CRAMP1: variants seen among roughly 807,000 people sequenced by gnomAD.
The protein encoded by CRAMP1 is cramped chromatin regulator 1.
Under a neutral mutation model 115.4 loss-of-function variants are expected in CRAMP1, and 50 were observed. The observed-to-expected ratio is 0.43, with a 90% CI of 0.35 to 0.55. The LOEUF is 0.55. Ranked by LOEUF, CRAMP1 falls within the 20% of genes least tolerant of loss-of-function variation. The pLI is 0.01. For missense variants in CRAMP1, 1,679 were observed against 1,721.7 expected (o/e 0.98, Z 0.44); for synonymous variants, 866 against 745.4 (o/e 1.16, Z -2.64).
chr16:1,639,215 G>T (rs1026610280), intron 5 of CRAMP1, among the ~76,000 whole-genome samples: 4 of 152,130 alleles, frequency 2.6e-5, no homozygotes, highest in African/African-American at 9.7e-5. Flanking sequence ...CTGAGAGGTG[G>T]AGGGTGTCCA....
chr16:1,655,820 G>C (rs563894959), intron 9 of CRAMP1, 57 bp from the exon 10 acceptor site: 1 of 1,555,586 alleles, frequency 6.4e-7, no homozygotes, highest in Non-Finnish European at 8.7e-7. Context: ...CCATGTGCCT[G>C]GTCAGCATCC....
At position 1,669,015 on chromosome 16, in the gene CRAMP1, C is replaced by CT; in HGVS notation, c.3352dup (p.Ser1118PhefsTer9). On this transcript the variant is annotated frameshift_variant, in exon 19 of 21. Coordinates refer to ENST00000397412, the MANE Select transcript of CRAMP1 (RefSeq NM_020825.4). LOFTEE classifies it high-confidence loss of function. This position sits in a 1 kb window ranked among gnomAD's most constrained non-coding sequence, Gnocchi z 4.6. ...TTGGTTGGCAGGTGAAGGAGTCCCT[C>CT]TTTCTCCAGCAAAACTGAATGGCAG... 6.2e-7 allele frequency: 1 copy of CT among 1,613,198 alleles called. No homozygotes were observed. The highest frequency in any genetic ancestry group is 8.5e-7 in the Non-Finnish European group (1 of 1,179,548).
chr16:1,654,233 T>C (rs1470934121), intron 8 of CRAMP1, among the ~76,000 whole-genome samples: 1 of 150,310 alleles, frequency 6.7e-6, no homozygotes, highest in Non-Finnish European at 1.5e-5. Context: ...TTTTCCGAGA[T>C]GGAGTCTTGC....
Position 1,656,145 on chromosome 16 carries a change from G to A in CRAMP1, c.1388G>A (p.Cys463Tyr). The part of the protein sequence containing the change: ...GQGTARGQVK[C>Y]PRSGAEGKGV... ...GGCACGGCCCGGGGCCAGGTGAAAT[G>A]CCCGCGGAGCGGAGCTGAGGGCAAG... Residue 463 changes from cysteine to tyrosine, a missense_variant, in exon 10 of 21, where the codon TGC (cysteine) becomes TAC (tyrosine). Cys to Tyr is a radical substitution (Grantham distance 194). Around this residue, in one of 8 missense-constraint regions of CRAMP1, gnomAD observed 191 missense variants for 236.2 expected, o/e 0.81. Coordinates refer to ENST00000397412, the MANE Select transcript of CRAMP1 (RefSeq NM_020825.4). This position sits in a 1 kb window ranked among gnomAD's most constrained non-coding sequence, Gnocchi z 5.6. The A allele has an allele frequency of 6.2e-7, 1 of 1,607,854 alleles. No individual in the cohort carries two copies. Among genetic ancestry groups the A allele is most frequent in the Non-Finnish European group, 8.5e-7 (1 of 1,177,974 alleles).
intron 6 of CRAMP1, among the ~76,000 whole-genome samples, chr16:1,646,783 T>A (rs1477852906): frequency 6.6e-6 from 1 of 152,242 alleles, no homozygotes; most frequent in African/African-American, 2.4e-5. Flanking sequence ...TCTAGAAGTT[T>A]TCTAGTTTTA....
At chr16:1,632,638 T>A (rs1014698640) in intron 4 of CRAMP1, among the ~76,000 whole-genome samples, 4 of 152,244 alleles carry the variant, frequency 2.6e-5, no homozygotes, top group Admixed American at 2.0e-4. Context: ...TGGCTCTGAG[T>A]GTGCGTGAGT....
intron 2 of CRAMP1, among the ~76,000 whole-genome samples, chr16:1,615,635 G>A (rs182691707): frequency 6.6e-6 from 1 of 152,352 alleles, no homozygotes; most frequent in East Asian, 1.9e-4. Flanking sequence ...AGGTGATGGA[G>A]AATGTTGCTA....
At position 1,666,063 on chromosome 16, in the gene CRAMP1, G is replaced by A. The variant is rs755949634; in HGVS notation, c.2753-10G>A. The A allele has an allele frequency of 4.4e-6, 7 of 1,583,534 alleles. No homozygotes were observed. Among genetic ancestry groups the A allele is most frequent in the African/African-American group, 1.3e-5 (1 of 74,160 alleles). The stretch of plus-strand genomic sequence containing the variant: ...GCTCGACATGTCTGCTTTTGCCCTC[G>A]CCCTCGCAGGGAGAGGTTCGTTCCG... On this transcript the variant is annotated splice_polypyrimidine_tract_variant and intron_variant, in intron 14 of 20. Transcript: ENST00000397412. This position sits in a 1 kb window ranked among gnomAD's most constrained non-coding sequence, Gnocchi z 5.0.
chr16:1,675,984 G>A lies in CRAMP1; in HGVS notation c.*1939G>A, dbSNP rs970317637. Reference sequence around the variant, plus strand: ...CCCTCTGGGCATCTGGCTTTGCTGCGTCTCTAGAGGGTTAGGATACCAGGC... The same window carrying A: ...CCCTCTGGGCATCTGGCTTTGCTGCATCTCTAGAGGGTTAGGATACCAGGC... On this transcript the variant is annotated 3_prime_UTR_variant, in exon 21 of 21. Coordinates refer to ENST00000397412, the MANE Select transcript of CRAMP1 (RefSeq NM_020825.4). The A allele has an allele frequency of 7.2e-5, 11 of 152,294 alleles. No individual in the cohort carries two copies. The highest frequency in any genetic ancestry group is 1.2e-4 in the African/African-American group (5 of 41,554). The allele number at this position is 152,294 out of a possible 1,614,324, so 9.4% of individuals were successfully genotyped here.
Position 1,612,402 on chromosome 16 carries a change from C to T in CRAMP1, c.-257C>T, listed in dbSNP as rs950828467. 1.3e-5 allele frequency: 2 copies of T among 151,432 alleles called. No individual in the cohort carries two copies. The highest frequency in any genetic ancestry group is 4.8e-5 in the African/African-American group (2 of 41,352). 9.4% of individuals were successfully genotyped at this position (151,432 alleles called of 1,614,324 possible). On this transcript the variant is annotated 5_prime_UTR_variant, in exon 1 of 21. Coordinates refer to ENST00000397412, the MANE Select transcript of CRAMP1 (RefSeq NM_020825.4). ...CCGTAGCCGGAACTGCTGCTGAGGG[C>T]GGCGGGCCGGCTTCGCTAGGGTGAG...
intron 11 of CRAMP1, among the ~76,000 whole-genome samples, chr16:1,661,622 G>T (rs1249084537): frequency 6.8e-6 from 1 of 146,356 alleles, no homozygotes; most frequent in African/African-American, 2.5e-5. Flanking sequence ...TTGAGATGGA[G>T]TCTCGCTCTG....
At chr16:1,665,317 G>A (rs1260999608) in intron 14 of CRAMP1, among the ~76,000 whole-genome samples, 179 bp downstream of exon 14, 1 of 152,164 alleles carries the variant, frequency 6.6e-6, no homozygotes, top group African/African-American at 2.4e-5. Flanking sequence ...GGCGGGCGAG[G>A]CAGCTAGTCC....
chr16:1,659,946 A>T lies in CRAMP1; in HGVS notation c.2296A>T (p.Met766Leu). 1 of 1,611,896 alleles carries T rather than the reference A, an allele frequency of 6.2e-7. No homozygotes were observed. Among genetic ancestry groups the T allele is most frequent in the Non-Finnish European group, 8.5e-7 (1 of 1,179,862 alleles). ...SVRPAQEEQS[M>L]TPPGKVVTVS... Reference sequence around the variant, plus strand: ...AAGGCCCGCCCAGGAGGAGCAGTCGATGACGCCCCCAGGGAAGGTGGTGAC... The same window carrying T: ...AAGGCCCGCCCAGGAGGAGCAGTCGTTGACGCCCCCAGGGAAGGTGGTGAC... Residue 766 changes from methionine to leucine, a missense_variant, in exon 11 of 21, where the codon ATG (methionine) becomes TTG (leucine). Met to Leu is a conservative substitution (Grantham distance 15). Around this residue, in one of 8 missense-constraint regions of CRAMP1, gnomAD observed 709 missense variants for 741.9 expected, o/e 0.96. Coordinates refer to ENST00000397412, the MANE Select transcript of CRAMP1 (RefSeq NM_020825.4).
At chr16:1,653,883 T>A (rs1006335953) in intron 8 of CRAMP1, among the ~76,000 whole-genome samples, 3 of 150,916 alleles carry the variant, frequency 2.0e-5, no homozygotes, top group African/African-American at 7.3e-5. Context: ...GGCTCACGCC[T>A]GTAATCCCAG....
chr16:1,645,036 T>C (rs2036661957), intron 6 of CRAMP1, among the ~76,000 whole-genome samples: 1 of 145,924 alleles, frequency 6.9e-6, no homozygotes, highest in Admixed American at 6.9e-5. Context: ...TTTTGTTCTT[T>C]TTTTTTTGCT....
intron 3 of CRAMP1, among the ~76,000 whole-genome samples, chr16:1,627,603 G>A (rs1015132171): frequency 6.6e-6 from 1 of 152,198 alleles, no homozygotes; most frequent in African/African-American, 2.4e-5. Context: ...CTCCCGCCCT[G>A]GGCTGCAGGT....
intron 2 of CRAMP1, among the ~76,000 whole-genome samples, chr16:1,624,652 C>T (rs2036494258): frequency 6.6e-6 from 1 of 152,196 alleles, no homozygotes; most frequent in African/African-American, 2.4e-5. Flanking sequence ...GATCTCGGCT[C>T]ACTGCAACCA....
Position 1,656,905 on chromosome 16 carries a change from C to G in CRAMP1, c.2148C>G (p.Arg716=). Residue 716 remains arginine (R), a synonymous_variant, in exon 10 of 21, where the codon CGC becomes CGG. Coordinates refer to ENST00000397412, the MANE Select transcript of CRAMP1 (RefSeq NM_020825.4). The surrounding 1 kb of genome is among the most constrained non-coding windows in gnomAD (Gnocchi z 5.6). The part of the protein sequence containing the change: ...DWLGPGRQDP[R]PGSLPTALHK... ...TGGGGCCCGGCCGCCAGGACCCCCGCCCCGGCTCCCTACCCACCGCCCTCC... is the reference window on the plus strand; with the variant it reads ...TGGGGCCCGGCCGCCAGGACCCCCGGCCCGGCTCCCTACCCACCGCCCTCC... 2 of 1,552,946 alleles carry G rather than the reference C, an allele frequency of 1.3e-6. No homozygotes were observed. Among genetic ancestry groups the G allele is most frequent in the Non-Finnish European group, 1.7e-6 (2 of 1,148,730 alleles).
chr16:1,649,264 T>A (rs12919938), intron 6 of CRAMP1, among the ~76,000 whole-genome samples: 18,010 of 151,912 alleles, frequency 0.12, 1,515 homozygotes, highest in African/African-American at 0.24. Context: ...TTCCCAGCAC[T>A]GAAGGCACTC....
Sources: allele counts gnomAD v4.1 joint callset (sites outside exome capture counted in the v4.1 genomes callset), GRCh38; gene constraint gnomAD v4.1.1; regional missense constraint gnomAD v4.1.1; non-coding constraint Gnocchi (gnomAD v3.1); transcripts MANE v1.5; gene names NCBI Gene and HGNC (gene_info 2026-07-23, HGNC 2026-07-21).